Variants in TMEM182 observed in about 807,000 individuals in gnomAD.
TMEM182 encodes the protein transmembrane protein 182.
TMEM182 carries 20 observed loss-of-function variants against 26.8 expected under a neutral mutation model. The ratio of observed to expected loss-of-function variants is 0.75; its 90% CI spans 0.53 to 1.09. The LOEUF (loss-of-function observed/expected upper bound fraction) is 1.09. TMEM182 is among the 50% of genes least tolerant of loss of function. The probability of loss-of-function intolerance (pLI) is 0.00; values close to 1 mark genes in which losing one functional copy is unlikely to be tolerated. For missense variants in TMEM182, 277 were observed against 275.5 expected (o/e 1.01, Z -0.04); for synonymous variants, 109 against 102.2 (o/e 1.07, Z -0.40).
chr2:102,795,410 C>G (rs992668715), intron 3 of TMEM182, among the ~76,000 whole-genome samples: 7 of 152,146 alleles, frequency 4.6e-5, no homozygotes, highest in African/African-American at 1.7e-4. Flanking sequence ...TGTTAAAATT[C>G]TCTGGATAAT....
rs937380489 is a variant in TMEM182 at position 102,815,747 on chromosome 2, G to A, written c.*779G>A. The A allele has an allele frequency of 1.4e-5, 13 of 951,304 alleles. No individual in the cohort carries two copies. Among genetic ancestry groups the A allele is most frequent in the African/African-American group, 5.3e-5 (3 of 56,398 alleles). The allele number at this position is 951,304 out of a possible 1,614,324, so 58.9% of individuals were successfully genotyped here. ...ATTGTTTAAAATATGTAAAAACCAAGCATTTCCGCTTGGTCCATAATTCTA... is the reference window on the plus strand; with the variant it reads ...ATTGTTTAAAATATGTAAAAACCAAACATTTCCGCTTGGTCCATAATTCTA... On this transcript the variant is annotated 3_prime_UTR_variant, in exon 5 of 5. Transcript: ENST00000412401.
At chr2:102,759,929 T>C (rs935742663), upstream of TMEM182, among the ~76,000 whole-genome samples, 1 of 152,178 alleles carries the variant, frequency 6.6e-6, no homozygotes, top group Non-Finnish European at 1.5e-5. Flanking sequence ...TTCCCGGGTT[T>C]TCATGTAAGG....
intron 3 of TMEM182, among the ~76,000 whole-genome samples, chr2:102,838,549 TAATTCGC>T (rs575112573): frequency 1.4e-4 from 22 of 152,214 alleles, no homozygotes; most frequent in Non-Finnish European, 2.6e-4. Flanking sequence ...TGCCTCTTGG[TAATTCGC>T]AGTGTGCATT....
chr2:102,819,585 A>G (rs1229648245), downstream of TMEM182, among the ~76,000 whole-genome samples: 1 of 152,178 alleles, frequency 6.6e-6, no homozygotes, highest in East Asian at 1.9e-4. Flanking sequence ...GTCTGTGTGT[A>G]TGCATATAGA....
chr2:102,749,002 T>G (rs1679797691), intron 1 of TMEM182, among the ~76,000 whole-genome samples: 3 of 152,252 alleles, frequency 2.0e-5, no homozygotes, highest in African/African-American at 7.2e-5. Flanking sequence ...CTGGAGGAAT[T>G]TATCACAATA....
At chr2:102,798,944 A>G (rs370748251) in intron 4 of TMEM182, among the ~76,000 whole-genome samples, 2 of 152,326 alleles carry the variant, frequency 1.3e-5, no homozygotes, top group South Asian at 2.1e-4. Flanking sequence ...AACTAATTTA[A>G]TTTCTGCTAA....
intron 3 of TMEM182, among the ~76,000 whole-genome samples, chr2:102,793,022 C>G (rs922450405): frequency 6.6e-6 from 1 of 152,178 alleles, no homozygotes; most frequent in South Asian, 2.1e-4. Flanking sequence ...CTGCTGCTTC[C>G]TCTGCCGTCT....
chr2:102,769,467 T>A (rs1027013527), intron 3 of TMEM182, among the ~76,000 whole-genome samples: 1 of 152,164 alleles, frequency 6.6e-6, no homozygotes, highest in Non-Finnish European at 1.5e-5. Context: ...CTTCAAACAA[T>A]AAGTATTATT....
At chr2:102,824,709 T>G (rs1252000900) in intron 3 of TMEM182, among the ~76,000 whole-genome samples, 1 of 152,026 alleles carries the variant, frequency 6.6e-6, no homozygotes, top group African/African-American at 2.4e-5. Context: ...GCATTTGTAG[T>G]CCAGCTATTC....
intron 3 of TMEM182, among the ~76,000 whole-genome samples, chr2:102,797,032 G>A (rs1681898976): frequency 6.6e-6 from 1 of 152,044 alleles, no homozygotes; most frequent in Non-Finnish European, 1.5e-5. Context: ...GTTAAGATTG[G>A]TAATTATCCA....
chr2:102,838,678 G>A (rs1306646680), intron 3 of TMEM182, among the ~76,000 whole-genome samples: 2 of 152,140 alleles, frequency 1.3e-5, no homozygotes. Flanking sequence ...GGGGCTGGAC[G>A]ACCATTTTAA....
chr2:102,757,332 C>T (rs758632280), upstream of TMEM182: 18 of 152,104 alleles, frequency 1.2e-4, no homozygotes, highest in African/African-American at 4.3e-4. Flanking sequence ...TTGTCGTTAC[C>T]CATAAATTAT....
chr2:102,831,655 G>A (rs545328365), intron 3 of TMEM182, among the ~76,000 whole-genome samples: 47 of 152,316 alleles, frequency 3.1e-4, no homozygotes, highest in African/African-American at 1.1e-3. Flanking sequence ...TACTTGGGAG[G>A]CTGAGGCACG....
chr2:102,762,441 CTA>C (rs1680251733), intron 1 of TMEM182, 92 bp downstream of exon 1: 1 of 1,558,326 alleles, frequency 6.4e-7, no homozygotes, highest in Non-Finnish European at 8.7e-7. Flanking sequence ...AGTGGAGTGT[CTA>C]TTTCTTCATG....
At chr2:102,761,160 C>T (rs1471810080), upstream of TMEM182, among the ~76,000 whole-genome samples, 4 of 152,122 alleles carry the variant, frequency 2.6e-5, no homozygotes, top group Admixed American at 6.5e-5. Flanking sequence ...TAGAAAAATA[C>T]TCTCCTCTGG....
Position 102,797,919 on chromosome 2 carries a change from G to A in TMEM182, c.388G>A (p.Ala130Thr), listed in dbSNP as rs114571302. The A allele has an allele frequency of 3.1e-5, 50 of 1,613,984 alleles. No individual in the cohort carries two copies. In the African/African-American group the frequency reaches 3.7e-4, roughly 12 times the overall value. Residue 130 changes from alanine (A) to threonine (T), a missense_variant, in exon 4 of 5, where the codon GCA becomes ACA. Physicochemically the swap from Ala to Thr is moderately conservative, Grantham distance 58. Coordinates refer to ENST00000412401, the MANE Select transcript of TMEM182 (RefSeq NM_144632.5). ...CCTGGGGGTAGTTGCTGTAGTCATC[G>A]CAAGCTTTTTGATCATCTGTGCAGC... ...MLLGVVAVVI[A>T]SFLIICAAPF...
rs1475226930 is a variant in TMEM182 at position 102,816,049 on chromosome 2, A to C, written c.*1081A>C. The C allele has an allele frequency of 1.0e-6, 1 of 985,000 alleles. No individual in the cohort carries two copies. Among genetic ancestry groups the C allele is most frequent in the Non-Finnish European group, 1.2e-6 (1 of 829,722 alleles). 61.0% of individuals were successfully genotyped at this position (985,000 alleles called of 1,614,324 possible). A position where few individuals can be genotyped will look rare whatever the true frequency, so the allele number is the denominator to read the frequency against. On this transcript the variant is annotated 3_prime_UTR_variant, in exon 5 of 5. Coordinates refer to ENST00000412401, the MANE Select transcript of TMEM182 (RefSeq NM_144632.5). Reference sequence around the variant, plus strand: ...ATATATTAACATTTACAGATCGACTATTTCCTTTAACCTCCTAGAAGAAAG... The same window carrying C: ...ATATATTAACATTTACAGATCGACTCTTTCCTTTAACCTCCTAGAAGAAAG...
Position 102,762,350 on chromosome 2 carries a change from G to A in TMEM182, c.132+1G>A. The A allele has an allele frequency of 6.2e-7, 1 of 1,613,776 alleles. No individual in the cohort carries two copies. The highest frequency in any genetic ancestry group is 8.5e-7 in the Non-Finnish European group (1 of 1,179,898). Reference sequence around the variant, plus strand: ...GGGGAGATGTTCAGGTGAAAAGAATGTGAGTCTCTTCTTCAAAATAGTGAT... The same window carrying A: ...GGGGAGATGTTCAGGTGAAAAGAATATGAGTCTCTTCTTCAAAATAGTGAT... On this transcript the variant is annotated splice_donor_variant, in intron 1 of 4. Coordinates refer to ENST00000412401, the MANE Select transcript of TMEM182 (RefSeq NM_144632.5). LOFTEE classifies it high-confidence loss of function.
Position 102,816,685 on chromosome 2 carries a change from G to GA in TMEM182, c.*1723dup. 1 of 985,532 alleles carries GA rather than the reference G, an allele frequency of 1.0e-6. No individual in the cohort carries two copies. 61.0% of individuals were successfully genotyped at this position (985,532 alleles called of 1,614,324 possible). ...TTCTTTGCTTTTGGCTTTGTTATTAGAAAAAATAATTATGAGGTCTGTTGT... is the reference window on the plus strand; with the variant it reads ...TTCTTTGCTTTTGGCTTTGTTATTAGAAAAAAATAATTATGAGGTCTGTTGT... On this transcript the variant is annotated 3_prime_UTR_variant, in exon 5 of 5. Coordinates refer to ENST00000412401, the MANE Select transcript of TMEM182 (RefSeq NM_144632.5).
Sources: gnomAD v4.1 joint callset for allele counts (sites outside exome capture counted in the v4.1 genomes callset) on GRCh38, gnomAD v4.1.1 for gene constraint, MANE v1.5 for transcripts, NCBI Gene and HGNC (gene_info 2026-07-23, HGNC 2026-07-21) for gene names.